The following GRIN1 variants were observed in gnomAD, a reference collection of about 807,000 sequenced individuals.
The protein encoded by GRIN1 is glutamate ionotropic receptor NMDA type subunit 1, also known as glutamate receptor ionotropic, NMDA 1.
In GRIN1, 38 loss-of-function variants were observed where a neutral mutation model predicts 103.0. That is an observed-to-expected ratio of 0.37 (90% CI 0.28 to 0.48). The LOEUF (loss-of-function observed/expected upper bound fraction) is 0.48, where lower values mean the gene tolerates loss of function less well. GRIN1 is among the 20% of genes least tolerant of loss of function. GRIN1 has a pLI of 0.98. For synonymous variants in GRIN1, 544 were observed against 532.7 expected (o/e 1.02, Z -0.29); for missense variants, 577 against 1,288.9 (o/e 0.45, Z 8.46).
chr9:137,143,077 A>G (rs1832263719), intron 2 of GRIN1, among the ~76,000 whole-genome samples: 1 of 152,246 alleles, frequency 6.6e-6, no homozygotes, highest in Non-Finnish European at 1.5e-5. Context: ...CCACTGGCAG[A>G]CAGACCTGCA....
rs1198148625 is a variant in GRIN1, at chr9:137,163,571, T to C, written c.2346T>C (p.Asn782=). The C allele has an allele frequency of 1.9e-6, 3 of 1,611,368 alleles. No individual in the cohort carries two copies. In the African/African-American group the frequency reaches 4.0e-5, roughly 22 times the overall value. Reference sequence around the variant, plus strand: ...TTCCCACCGCCAGGTCCCACGAGAATGGCTTCATGGAAGACCTGGACAAGA... The same window carrying C: ...TTCCCACCGCCAGGTCCCACGAGAACGGCTTCATGGAAGACCTGGACAAGA... The part of the protein sequence containing the change: ...VSLSILKSHE[N]GFMEDLDKTW... The change falls in exon 17 of 20, where the codon AAT becomes AAC. Residue 782 remains asparagine (N), a synonymous_variant. Coordinates refer to ENST00000371561, the MANE Select transcript of GRIN1 (RefSeq NM_007327.4).
chr9:137,161,221 G>C, intron 9 of GRIN1, 24 bp downstream of exon 9: 1 of 1,605,528 alleles, frequency 6.2e-7, no homozygotes, highest in Non-Finnish European at 8.5e-7. Flanking sequence ...GCAGGGCGCG[G>C]GGCGCGGGGC....
At chr9:137,163,504 C>A in intron 16 of GRIN1, 55 bp from the exon 17 acceptor site, 2 of 1,065,532 alleles carry the variant, frequency 1.9e-6, no homozygotes, top group Non-Finnish European at 2.9e-6. Context: ...CCCCAGCTTG[C>A]TCCTTCCCGT....
At chr9:137,150,060 G>A (rs1161082627) in intron 4 of GRIN1, among the ~76,000 whole-genome samples, 3 of 152,180 alleles carry the variant, frequency 2.0e-5, no homozygotes, top group African/African-American at 7.2e-5. Context: ...GCCCAAGGTA[G>A]GGTTGTTGCT....
chr9:137,162,223 CTG>C lies in GRIN1; in HGVS notation c.1687_1688del (p.Trp563AlafsTer236). 1 of 1,544,518 alleles carries C rather than the reference CTG, an allele frequency of 6.5e-7. No individual in the cohort carries two copies. The highest frequency in any genetic ancestry group is 8.7e-7 in the Non-Finnish European group (1 of 1,149,476). On this transcript the variant is annotated frameshift_variant, in exon 12 of 20. Transcript: ENST00000371561. LOFTEE classifies it high-confidence loss of function. ...GTTCATGCAGCCGTTCCAGAGCACA[CTG>C]TGGCTGCTGGTGGGGCTGTCGGTGC... ...DSFMQPFQST[L>X]WLLVGLSVHV... is the part of the protein sequence containing the mutation.
At position 137,158,540 on chromosome 9, in the gene GRIN1, AG is replaced by A; in HGVS notation, c.1113+22del. On this transcript the variant is annotated intron_variant, in intron 7 of 19. Coordinates refer to ENST00000371561, the MANE Select transcript of GRIN1 (RefSeq NM_007327.4). Reference sequence around the variant, plus strand: ...GGCACCCACGTAGGTGGGGGTCATGAGGGGGTGGGGGCTGGGGCCTTAGGGT... The same window carrying A: ...GGCACCCACGTAGGTGGGGGTCATGAGGGGTGGGGGCTGGGGCCTTAGGGT... The A allele has an allele frequency of 7.2e-7, 1 of 1,379,834 alleles. No homozygotes were observed. The highest frequency in any genetic ancestry group is 2.5e-5 in the East Asian group (1 of 40,014). 85.5% of individuals were successfully genotyped at this position (1,379,834 alleles called of 1,614,324 possible).
At chr9:137,157,744 G>A (rs1000629215) in intron 6 of GRIN1, among the ~76,000 whole-genome samples, 2 of 152,236 alleles carry the variant, frequency 1.3e-5, no homozygotes, top group African/African-American at 2.4e-5. Flanking sequence ...TGAGTAGCAC[G>A]TGCAGAGCCA....
Position 137,139,831 on chromosome 9 carries a change from C to T in GRIN1, c.258+87C>T, listed in dbSNP as rs1832066972. On this transcript the variant is annotated intron_variant, in intron 1 of 19. Transcript: ENST00000371561. This position sits in a 1 kb window ranked among gnomAD's most constrained non-coding sequence, Gnocchi z 7.7. ...CAGTTTCATTCCATCCTTTCCGTGC[C>T]CCCTTCCTCCCTGTAAGACACCACC... is the stretch of plus-strand genomic sequence containing the variant. The T allele has an allele frequency of 1.9e-6, 2 of 1,069,822 alleles. No homozygotes were observed. Among genetic ancestry groups the T allele is most frequent in the Non-Finnish European group, 1.4e-6 (1 of 694,238 alleles). 66.3% of individuals were successfully genotyped at this position (1,069,822 alleles called of 1,614,324 possible).
Position 137,167,887 on chromosome 9 carries a change from A to C in GRIN1, c.*360A>C. 1 of 1,530,478 alleles carries C rather than the reference A, an allele frequency of 6.5e-7. No homozygotes were observed. The highest frequency in any genetic ancestry group is 9.0e-7 in the Non-Finnish European group (1 of 1,107,884). 94.8% of individuals were successfully genotyped at this position (1,530,478 alleles called of 1,614,324 possible). The stretch of plus-strand genomic sequence containing the variant: ...CTGCCCAGTTAGCCCGGCCAAGGAC[A>C]CTGATGGGTCCTGCTGCTCGGGAAG... On this transcript the variant is annotated 3_prime_UTR_variant, in exon 20 of 20. Coordinates refer to ENST00000371561, the MANE Select transcript of GRIN1 (RefSeq NM_007327.4).
chr9:137,163,721 C>T (rs1400391945), intron 17 of GRIN1, 38 bp from the exon 18 acceptor site: 1 of 1,613,528 alleles, frequency 6.2e-7, no homozygotes, highest in South Asian at 1.1e-5. Flanking sequence ...CTGCGGCCTC[C>T]CTGGCCAGCA....
At chr9:137,167,334 G>A (rs538212793) in intron 19 of GRIN1, 77 bp from the exon 20 acceptor site, 42 of 1,127,780 alleles carry the variant, frequency 3.7e-5, no homozygotes, top group African/African-American at 9.2e-5. Flanking sequence ...GGGCCAGGGC[G>A]GCACTGGGCG....
intron 3 of GRIN1, 35 bp from the exon 4 acceptor site, chr9:137,148,974 C>T (rs764195608): frequency 2.0e-6 from 3 of 1,489,172 alleles, no homozygotes; most frequent in Non-Finnish European, 2.8e-6. Flanking sequence ...GTCCCCTGCC[C>T]CAGCCGCCTG....
At chr9:137,142,402 C>T (rs1444342323) in intron 2 of GRIN1, among the ~76,000 whole-genome samples, 1 of 152,266 alleles carries the variant, frequency 6.6e-6, no homozygotes, top group Non-Finnish European at 1.5e-5. Context: ...TCACGTGGAG[C>T]CCAGCACGTG....
chr9:137,145,617 G>A (rs1306240120), intron 2 of GRIN1, 109 bp from the exon 3 acceptor site: 6 of 837,860 alleles, frequency 7.2e-6, no homozygotes, highest in African/African-American at 1.7e-5. Context: ...GACAGGGGTG[G>A]GAGGAGGGGG....
intron 4 of GRIN1, among the ~76,000 whole-genome samples, chr9:137,151,803 C>T (rs990071996): frequency 3.9e-5 from 6 of 151,948 alleles, no homozygotes; most frequent in Non-Finnish European, 7.4e-5. Flanking sequence ...GTAGCTGGGA[C>T]TACAGGCACA....
rs890521266 is a variant in GRIN1 at position 137,146,621 on chromosome 9, C to G, written c.570+719C>G. ...TGGGATTTGGGGGGGTCCGAGCGAC[C>G]CCTTTCCCCTTCCTTACCACTCCCA... On this transcript the variant is annotated intron_variant, in intron 3 of 19. Transcript: ENST00000371561. This position sits in a 1 kb window ranked among gnomAD's most constrained non-coding sequence, Gnocchi z 6.7. Among the ~76,000 whole-genome samples, 8 of 152,138 alleles carry G rather than the reference C, an allele frequency of 5.3e-5. No homozygotes were observed. Among genetic ancestry groups the G allele is most frequent in the Non-Finnish European group, 2.9e-5 (2 of 68,030 alleles).
chr9:137,161,741 C>A (rs1445050067), intron 10 of GRIN1, among the ~76,000 whole-genome samples, 183 bp from the exon 11 acceptor site: 1 of 146,268 alleles, frequency 6.8e-6, no homozygotes, highest in Non-Finnish European at 1.5e-5. Flanking sequence ...TGTGGTGGGG[C>A]CCGCCCGGCG....
In GRIN1 at chr9:137,168,676, C is replaced by T. The variant is rs1272573204; in HGVS notation, c.*1149C>T. On this transcript the variant is annotated 3_prime_UTR_variant, in exon 20 of 20. Coordinates refer to ENST00000371561, the MANE Select transcript of GRIN1 (RefSeq NM_007327.4). ...CGTGCGCAGCCGCGCTCTGCCCCTC[C>T]GTCCCCAGGGTGCAGGCGCGCACCG... is the stretch of plus-strand genomic sequence containing the variant. 1.1e-5 allele frequency: 5 copies of T among 440,178 alleles called. No individual in the cohort carries two copies. The highest frequency in any genetic ancestry group is 1.8e-5 in the Non-Finnish European group (5 of 277,958). 27.3% of individuals were successfully genotyped at this position (440,178 alleles called of 1,614,324 possible). A position where few individuals can be genotyped will look rare whatever the true frequency, so the allele number is the denominator to read the frequency against.
intron 3 of GRIN1, among the ~76,000 whole-genome samples, chr9:137,147,284 CCT>C (rs1456108531): frequency 6.6e-6 from 1 of 151,964 alleles, no homozygotes; most frequent in Non-Finnish European, 1.5e-5. Flanking sequence ...CAGGTGCGCT[CCT>C]CACACACACA....
Sources: allele counts gnomAD v4.1 joint callset (sites outside exome capture counted in the v4.1 genomes callset), GRCh38; gene constraint gnomAD v4.1.1; non-coding constraint Gnocchi (gnomAD v3.1); transcripts MANE v1.5; gene names NCBI Gene and HGNC (gene_info 2026-07-23, HGNC 2026-07-21).